RC3H2: variants seen among roughly 807,000 people sequenced by gnomAD.
RC3H2 encodes the protein ring finger and CCCH-type domains 2.
Under a neutral mutation model 133.3 loss-of-function variants are expected in RC3H2, and 31 were observed. The observed-to-expected ratio is 0.23, with a 90% CI of 0.17 to 0.31. RC3H2 has a LOEUF of 0.31. RC3H2 is among the 10% of genes least tolerant of loss of function. RC3H2 has a pLI of 1.00. For synonymous variants in RC3H2, 517 were observed against 502.2 expected, an observed-to-expected ratio of 1.03 and a Z score of -0.40; for missense variants, 1,175 against 1,437.2, an observed-to-expected ratio of 0.82 and a Z score of 2.95.
In RC3H2 at chr9:122,853,989, T is replaced by C. The variant is rs1278458748; in HGVS notation, c.3080A>G (p.Asn1027Ser). The C allele has an allele frequency of 8.7e-6, 14 of 1,614,024 alleles. No individual in the cohort carries two copies. Among genetic ancestry groups the C allele is most frequent in the Non-Finnish European group, 1.1e-5 (13 of 1,180,014 alleles). ...TAGTTCAATTTCCTTGCTTAAAAGG[T>C]TTAAGGTAAGGTGACGGCCTTCATC... Reference protein sequence around the residue: ...SLDEGRHLTLNLLSKEIELRN... With the variant: ...SLDEGRHLTLSLLSKEIELRN... Residue 1027 changes from asparagine (N) to serine (S), a missense_variant, in exon 18 of 21, where the codon AAC (asparagine) becomes AGC (serine). Around this residue, in one of 8 missense-constraint regions of RC3H2, gnomAD observed 220 missense variants for 201.1 expected, o/e 1.09. Transcript: ENST00000357244.
At chr9:122,899,164 G>A (rs1167324264) in intron 1 of RC3H2, among the ~76,000 whole-genome samples, 1 of 130,762 alleles carries the variant, frequency 7.6e-6, no homozygotes, top group Non-Finnish European at 1.5e-5. Flanking sequence ...GTGCAATGGT[G>A]TGATCTTGGC....
At chr9:122,866,911 G>T (rs1224966885) in intron 9 of RC3H2, among the ~76,000 whole-genome samples, 1 of 149,364 alleles carries the variant, frequency 6.7e-6, no homozygotes, top group Non-Finnish European at 1.5e-5. Context: ...GCCCAGTCTG[G>T]AAAGTGAGAA....
chr9:122,850,565 C>T (rs536387625), intron 20 of RC3H2, among the ~76,000 whole-genome samples: 1 of 152,006 alleles, frequency 6.6e-6, no homozygotes, highest in African/African-American at 2.4e-5. Flanking sequence ...GCCTCAGCCT[C>T]CCAGGCAGCT....
At chr9:122,888,090 T>C (rs963403916) in intron 4 of RC3H2, among the ~76,000 whole-genome samples, 91 of 152,312 alleles carry the variant, frequency 6.0e-4, no homozygotes, top group African/African-American at 2.1e-3. Flanking sequence ...TCTGGTGGCA[T>C]TAACATAATT....
chr9:122,903,605 T>A (rs1429059521), intron 1 of RC3H2, among the ~76,000 whole-genome samples: 1 of 152,250 alleles, frequency 6.6e-6, no homozygotes, highest in African/African-American at 2.4e-5. Flanking sequence ...GATCCACTAA[T>A]GAACACGAGT....
At chr9:122,899,421 A>T (rs1344131416) in intron 1 of RC3H2, among the ~76,000 whole-genome samples, 3 of 152,072 alleles carry the variant, frequency 2.0e-5, no homozygotes, top group South Asian at 2.1e-4. Flanking sequence ...AACAGAGATT[A>T]AAAAAAATCT....
At chr9:122,889,263 A>T (rs1832062135) in intron 4 of RC3H2, among the ~76,000 whole-genome samples, 1 of 152,076 alleles carries the variant, frequency 6.6e-6, no homozygotes, top group Non-Finnish European at 1.5e-5. Context: ...CTAGATTTTG[A>T]GTTAAAGTTA....
chr9:122,865,692 T>C (rs757153048), intron 9 of RC3H2, 35 bp from the exon 10 acceptor site: 3 of 1,576,450 alleles, frequency 1.9e-6, no homozygotes. Flanking sequence ...TGGTGAATAT[T>C]TCACTAAATC....
chr9:122,892,825 T>TA (rs1832243840), intron 3 of RC3H2, 84 bp downstream of exon 3: 1 of 1,035,628 alleles, frequency 9.7e-7, no homozygotes, highest in Non-Finnish European at 1.5e-6. Context: ...TTCCATAACT[T>TA]AATAGGGTAT....
chr9:122,877,662 T>C, intron 8 of RC3H2, 79 bp from the exon 9 acceptor site: 1 of 996,056 alleles, frequency 1.0e-6, no homozygotes, highest in Non-Finnish European at 1.6e-6. Context: ...TTCAGAACTT[T>C]ATAATTACAC....
intron 1 of RC3H2, among the ~76,000 whole-genome samples, chr9:122,898,764 A>AAT (rs1554775162): frequency 1.3e-5 from 2 of 151,702 alleles, no homozygotes; most frequent in African/African-American, 4.8e-5. Flanking sequence ...AAAAAAAAAA[A>AAT]AGTTCCATAA....
rs1564280125 is a variant in RC3H2 at position 122,851,107 on chromosome 9, C to T, written c.3354G>A (p.Gln1118=). 6.2e-7 allele frequency: 1 copy of T among 1,614,182 alleles called. No individual in the cohort carries two copies. Among genetic ancestry groups the T allele is most frequent in the Admixed American group, 1.7e-5 (1 of 60,014 alleles). The change falls in exon 20 of 21, where the codon CAG becomes CAA. Residue 1118 remains glutamine (Q), a synonymous_variant. Transcript: ENST00000357244. ...HQKEPPKQKK[Q]SLGEDHVILE... is the part of the protein sequence containing the mutation. ...GAATCACATGGTCTTCACCTAAACTCTGTTTCTTCTGCTTTGGTGGCTCCT... is the reference window on the plus strand; with the variant it reads ...GAATCACATGGTCTTCACCTAAACTTTGTTTCTTCTGCTTTGGTGGCTCCT...
In RC3H2 at chr9:122,849,519, ATCT is replaced by A; in HGVS notation, c.*105_*107del. ...ACAGGAAATGGATGCCCCCAGTAATATCTTTTTTTTAAAAAAAATATACATTAT... is the reference window on the plus strand; with the variant it reads ...ACAGGAAATGGATGCCCCCAGTAATATTTTTTTAAAAAAAATATACATTAT... On this transcript the variant is annotated 3_prime_UTR_variant, in exon 21 of 21. Transcript: ENST00000357244. The A allele has an allele frequency of 2.7e-6, 1 of 369,366 alleles. No individual in the cohort carries two copies. The highest frequency in any genetic ancestry group is 4.2e-6 in the Non-Finnish European group (1 of 236,800). 22.9% of individuals were successfully genotyped at this position (369,366 alleles called of 1,614,324 possible).
At chr9:122,850,552 C>G (rs779099120) in intron 20 of RC3H2, among the ~76,000 whole-genome samples, 2 of 152,024 alleles carry the variant, frequency 1.3e-5, no homozygotes, top group Admixed American at 6.5e-5. Context: ...AAGCGATTCT[C>G]CTGCCTCAGC....
At chr9:122,885,240 G>C (rs1183093832) in intron 4 of RC3H2, among the ~76,000 whole-genome samples, 1 of 152,046 alleles carries the variant, frequency 6.6e-6, no homozygotes, top group Non-Finnish European at 1.5e-5. Flanking sequence ...CTCTCAAATG[G>C]TTCAGAAGAG....
At chr9:122,870,032 C>T (rs779595581) in intron 9 of RC3H2, among the ~76,000 whole-genome samples, 1 of 152,136 alleles carries the variant, frequency 6.6e-6, no homozygotes, top group Non-Finnish European at 1.5e-5. Context: ...TATTCTTTTC[C>T]TCAGAGTTCC....
intron 1 of RC3H2, among the ~76,000 whole-genome samples, chr9:122,901,958 T>C (rs1378195910): frequency 6.8e-6 from 1 of 146,890 alleles, no homozygotes; most frequent in African/African-American, 2.5e-5. Flanking sequence ...AGACGGAGTT[T>C]CGCTCTTGTT....
rs1832008624 is a variant in RC3H2 at position 122,888,096 on chromosome 9, TAA to T, written c.583+2214_583+2215del. Among the ~76,000 whole-genome samples the T allele has an allele frequency of 2.6e-5, 4 of 152,312 alleles. No individual in the cohort carries two copies. The East Asian group carries it at 7.7e-4, about 29-fold the overall frequency. On this transcript the variant is annotated intron_variant, in intron 4 of 20. Transcript: ENST00000357244. ...AGTCTTGGTTCTGGTGGCATTAACATAATTATTTGCTTGCTTGTTTTATCCAA... is the reference window on the plus strand; with the variant it reads ...AGTCTTGGTTCTGGTGGCATTAACATTTATTTGCTTGCTTGTTTTATCCAA...
chr9:122,870,628 G>C (rs1029838547), intron 9 of RC3H2, among the ~76,000 whole-genome samples: 1 of 152,162 alleles, frequency 6.6e-6, no homozygotes, highest in African/African-American at 2.4e-5. Flanking sequence ...ATGTTGCCTA[G>C]ACTGCCTTAA....
Sources: gnomAD v4.1 joint callset for allele counts (sites outside exome capture counted in the v4.1 genomes callset) on GRCh38, gnomAD v4.1.1 for gene constraint, gnomAD v4.1.1 regional missense constraint, MANE v1.5 for transcripts, NCBI Gene and HGNC (gene_info 2026-07-23, HGNC 2026-07-21) for gene names.